Variants in ENOX1 observed in about 807,000 individuals in gnomAD.
ENOX1 encodes ecto-NOX disulfide-thiol exchanger 1, also known as candidate growth-related and time keeping constitutive hydroquinone (NADH) oxidase.
ENOX1 carries 42 observed loss-of-function variants against 82.5 expected under a neutral mutation model. The observed-to-expected ratio is 0.51, with a 90% CI of 0.40 to 0.66. The LOEUF is 0.66. Among genes scored for constraint, ENOX1 ranks in the 30% least tolerant of loss-of-function variants. The pLI, the probability that ENOX1 is intolerant of heterozygous loss-of-function variation, is 0.00. For synonymous variants in ENOX1, 271 were observed against 282.2 expected, an observed-to-expected ratio of 0.96 and a Z score of 0.40; for missense variants, 608 against 811.6, an observed-to-expected ratio of 0.75 and a Z score of 3.05.
intron 5 of ENOX1, among the ~76,000 whole-genome samples, chr13:43,375,561 T>C (rs1219943739): frequency 3.3e-5 from 5 of 152,290 alleles, no homozygotes; most frequent in South Asian, 4.1e-4. Flanking sequence ...CCTGGGCACA[T>C]AGCTGTGTTA....
chr13:43,475,301 C>T (rs1446639370), intron 3 of ENOX1, among the ~76,000 whole-genome samples: 1 of 152,116 alleles, frequency 6.6e-6, no homozygotes, highest in Non-Finnish European at 1.5e-5. Flanking sequence ...CCACAACAGC[C>T]TAAGCAGTGT....
In ENOX1 at chr13:43,704,769, C is replaced by T. The variant is rs546584632; in HGVS notation, c.-284-37225G>A. On this transcript the variant is annotated intron_variant, in intron 1 of 16. Coordinates refer to ENST00000690772, the MANE Select transcript of ENOX1 (RefSeq NM_001347969.2). ...CAGGATAAAACGAACCAATGGAAGG[C>T]GGAAAGAACCAAATAGAGATTTCAG... is the stretch of plus-strand genomic sequence containing the variant. Among the ~76,000 whole-genome samples the T allele has an allele frequency of 2.6e-5, 4 of 152,208 alleles. No homozygotes were observed. The East Asian group carries it at 5.8e-4, about 22-fold the overall frequency.
intron 2 of ENOX1, among the ~76,000 whole-genome samples, chr13:43,634,978 C>T (rs2083359911): frequency 6.6e-6 from 1 of 152,108 alleles, no homozygotes; most frequent in Non-Finnish European, 1.5e-5. Context: ...TATTAATTCC[C>T]CCAAGGACCA....
intron 14 of ENOX1, among the ~76,000 whole-genome samples, chr13:43,242,536 A>G (rs1356168499): frequency 6.6e-6 from 1 of 152,218 alleles, no homozygotes; most frequent in African/African-American, 2.4e-5. Flanking sequence ...GCCCAGTTCA[A>G]ATTCAGAATG....
At chr13:43,225,559 A>G (rs2041989174) in intron 15 of ENOX1, among the ~76,000 whole-genome samples, 1 of 152,214 alleles carries the variant, frequency 6.6e-6, no homozygotes, top group South Asian at 2.1e-4. Flanking sequence ...GGAGCCAGGG[A>G]AGACCCTCAC....
At chr13:43,385,539 C>T (rs1239393920) in intron 5 of ENOX1, among the ~76,000 whole-genome samples, 1 of 152,042 alleles carries the variant, frequency 6.6e-6, no homozygotes, top group Non-Finnish European at 1.5e-5. Flanking sequence ...CACACATTAG[C>T]AAACATTTAA....
chr13:43,708,780 AATATAAAGCTG>A (rs1351646047), intron 1 of ENOX1, among the ~76,000 whole-genome samples: 1 of 152,222 alleles, frequency 6.6e-6, no homozygotes, highest in Non-Finnish European at 1.5e-5. Context: ...AAAAACTAAA[AATATAAAGCTG>A]ATAGAAGAAA....
chr13:43,762,889 A>G (rs1269515110), intron 1 of ENOX1, among the ~76,000 whole-genome samples: 1 of 152,230 alleles, frequency 6.6e-6, no homozygotes, highest in African/African-American at 2.4e-5. Flanking sequence ...AAGTGATTCA[A>G]TCCGTTCTCA....
intron 2 of ENOX1, among the ~76,000 whole-genome samples, chr13:43,640,544 T>C (rs961840338): frequency 2.0e-5 from 3 of 152,150 alleles, no homozygotes; most frequent in Admixed American, 1.3e-4. Flanking sequence ...CTCACAACAA[T>C]AGGCCAATGT....
chr13:43,257,673 C>T (rs1042429261), intron 14 of ENOX1, among the ~76,000 whole-genome samples: 1 of 152,146 alleles, frequency 6.6e-6, no homozygotes. Context: ...GAAAATGGTA[C>T]TTAGGGATAA....
intron 2 of ENOX1, among the ~76,000 whole-genome samples, chr13:43,516,712 T>G (rs1245669060): frequency 1.3e-5 from 2 of 152,158 alleles, no homozygotes; most frequent in Non-Finnish European, 2.9e-5. Context: ...CTCAGTGGTG[T>G]AGTAAATCAA....
intron 3 of ENOX1, among the ~76,000 whole-genome samples, chr13:43,447,042 A>G (rs1158476363): frequency 6.6e-6 from 1 of 152,256 alleles, no homozygotes; most frequent in East Asian, 1.9e-4. Context: ...TCTGATTAAT[A>G]CCAAAGAAAG....
At chr13:43,390,259 G>A (rs1161418567) in intron 5 of ENOX1, among the ~76,000 whole-genome samples, 1 of 152,148 alleles carries the variant, frequency 6.6e-6, no homozygotes, top group African/African-American at 2.4e-5. Context: ...GCATATAAAT[G>A]AGCTTTAGAC....
chr13:43,712,600 T>C (rs1329202253), intron 1 of ENOX1, among the ~76,000 whole-genome samples: 6 of 149,456 alleles, frequency 4.0e-5, no homozygotes, highest in African/African-American at 1.5e-4. Context: ...CATTGAGCGG[T>C]GGTTTGTAGT....
chr13:43,432,025 T>C (rs2055703766), intron 3 of ENOX1, among the ~76,000 whole-genome samples: 1 of 152,174 alleles, frequency 6.6e-6, no homozygotes, highest in Non-Finnish European at 1.5e-5. Flanking sequence ...CGCCTGTTTA[T>C]TCCACCTTGC....
chr13:43,497,859 T>G (rs2076846885), intron 2 of ENOX1, among the ~76,000 whole-genome samples: 5 of 151,950 alleles, frequency 3.3e-5, no homozygotes. Flanking sequence ...GGATCTGGAG[T>G]GTTCTTTGTG....
rs1306321645 is a variant in ENOX1 at position 43,326,542 on chromosome 13, A to C, written c.1037-17T>G. On this transcript the variant is annotated splice_polypyrimidine_tract_variant and intron_variant, in intron 9 of 16. Transcript: ENST00000690772. Reference sequence around the variant, plus strand: ...TCTGCTCAACTTTGGTGAACAAGGAAGTCAAACAAGACAAGTAATTTATGT... The same window carrying C: ...TCTGCTCAACTTTGGTGAACAAGGACGTCAAACAAGACAAGTAATTTATGT... 2.5e-6 allele frequency: 4 copies of C among 1,599,426 alleles called. No individual in the cohort carries two copies. The highest frequency in any genetic ancestry group is 1.7e-6 in the Non-Finnish European group (2 of 1,166,574).
intron 2 of ENOX1, among the ~76,000 whole-genome samples, chr13:43,616,187 T>TAGATAGATAGATAGATAG (rs1309689878): frequency 8.9e-5 from 1 of 11,288 alleles, no homozygotes; most frequent in Admixed American, 2.2e-3. Flanking sequence ...TCTATCTATC[T>TAGATAGATAGATAGATAG]ATATATATAT....
intron 2 of ENOX1, among the ~76,000 whole-genome samples, chr13:43,622,461 C>G (rs1469359977): frequency 6.6e-6 from 1 of 152,222 alleles, no homozygotes; most frequent in East Asian, 1.9e-4. Context: ...GTACTCTCCC[C>G]CTTTTCCTAT....
Sources: gnomAD v4.1 joint callset for allele counts (sites outside exome capture counted in the v4.1 genomes callset) on GRCh38, gnomAD v4.1.1 for gene constraint, MANE v1.5 for transcripts, NCBI Gene and HGNC (gene_info 2026-07-23, HGNC 2026-07-21) for gene names.